C5orf24: variants seen among roughly 807,000 people sequenced by gnomAD.
C5orf24 encodes UPF0461 protein C5orf24.
C5orf24 carries 4 observed loss-of-function variants against 9.8 expected under a neutral mutation model. The ratio of observed to expected loss-of-function variants is 0.41; its 90% CI spans 0.20 to 0.93. The LOEUF (loss-of-function observed/expected upper bound fraction) is 0.93, where lower values mean the gene tolerates loss of function less well. Among genes scored for constraint, C5orf24 ranks in the 40% least tolerant of loss-of-function variants. The pLI is 0.33. For synonymous variants in C5orf24, 73 were observed against 81.3 expected (o/e 0.90, Z 0.55); for missense variants, 170 against 236.9 (o/e 0.72, Z 1.85).
chr5:134,842,985 A>T (rs1755921520), upstream of C5orf24, among the ~76,000 whole-genome samples: 2 of 144,836 alleles, frequency 1.4e-5, no homozygotes, highest in African/African-American at 2.5e-5. Context: ...TGTCCCCATA[A>T]TTTTTTTTTT....
intron 1 of C5orf24, among the ~76,000 whole-genome samples, chr5:134,849,600 T>C (rs1756098565): frequency 6.7e-6 from 1 of 150,190 alleles, no homozygotes; most frequent in Non-Finnish European, 1.5e-5. Context: ...GGAAGGAATA[T>C]ATAGAACATA....
At chr5:134,852,578 G>C (rs1251469426) in intron 1 of C5orf24, among the ~76,000 whole-genome samples, 2 of 152,164 alleles carry the variant, frequency 1.3e-5, no homozygotes, top group Non-Finnish European at 2.9e-5. Context: ...TTTCATAACT[G>C]AGGTTTTGGT....
At chr5:134,852,601 G>A (rs1174567999) in intron 1 of C5orf24, among the ~76,000 whole-genome samples, 1 of 152,184 alleles carries the variant, frequency 6.6e-6, no homozygotes, top group Non-Finnish European at 1.5e-5. Context: ...ACTCTCACAT[G>A]TATGAAGGGT....
intron 1 of C5orf24, among the ~76,000 whole-genome samples, chr5:134,852,653 A>G (rs1401132206): frequency 2.0e-5 from 3 of 152,212 alleles, no homozygotes; most frequent in Non-Finnish European, 2.9e-5. Context: ...GGACCTTAAT[A>G]TACATTTGTG....
At chr5:134,853,036 G>T (rs1756201044) in intron 1 of C5orf24, among the ~76,000 whole-genome samples, 2 of 151,800 alleles carry the variant, frequency 1.3e-5, no homozygotes, top group African/African-American at 4.8e-5. Context: ...GTGGTGGCGG[G>T]TGCCTGTAGT....
At position 134,851,981 on chromosome 5, in the gene C5orf24, C is replaced by T. The variant is rs148450189; in HGVS notation, c.-3-2917C>T. Among the ~76,000 whole-genome samples the T allele has an allele frequency of 3.0e-3, 460 of 152,330 alleles. 2 individuals are homozygous for T. Among genetic ancestry groups the T allele is most frequent in the African/African-American group, 0.011 (442 of 41,574 alleles). On this transcript the variant is annotated intron_variant, in intron 1 of 1. Coordinates refer to ENST00000394976, the MANE Select transcript of C5orf24 (RefSeq NM_001135586.1). ...TTTTGAGACGGAGTCTTGCTTGTCACTCAGGCTGGAGTGCAGTGGCACGAT... is the reference window on the plus strand; with the variant it reads ...TTTTGAGACGGAGTCTTGCTTGTCATTCAGGCTGGAGTGCAGTGGCACGAT...
chr5:134,850,921 TA>T (rs1260671328), intron 1 of C5orf24, among the ~76,000 whole-genome samples: 1 of 140,710 alleles, frequency 7.1e-6, no homozygotes, highest in African/African-American at 2.6e-5. Flanking sequence ...TGAATGTTCA[TA>T]TATATATATA....
the C5orf24 span, among the ~76,000 whole-genome samples, chr5:134,840,506 C>T: frequency 6.6e-6 from 1 of 151,980 alleles, no homozygotes. Context: ...TCTCAAAATG[C>T]TGGGATTTCA....
the C5orf24 span, among the ~76,000 whole-genome samples, chr5:134,839,800 G>A: frequency 6.7e-6 from 1 of 150,302 alleles, no homozygotes; most frequent in African/African-American, 2.5e-5. Flanking sequence ...AGCAGTTCTC[G>A]TGTCTGCCTC....
chr5:134,842,243 A>G (rs1032137466), upstream of C5orf24, among the ~76,000 whole-genome samples: 1 of 152,146 alleles, frequency 6.6e-6, no homozygotes, highest in Non-Finnish European at 1.5e-5. Flanking sequence ...TAATCCCAGC[A>G]CTTTGGGAGG....
Position 134,857,172 on chromosome 5 carries a change from T to C in C5orf24, c.*1705T>C. The C allele has an allele frequency of 7.5e-7, 1 of 1,327,662 alleles. No individual in the cohort carries two copies. The highest frequency in any genetic ancestry group is 9.7e-7 in the Non-Finnish European group (1 of 1,029,600). The allele number at this position is 1,327,662 out of a possible 1,614,324, so 82.2% of individuals were successfully genotyped here. A position where few individuals can be genotyped will look rare whatever the true frequency, so the allele number is the denominator to read the frequency against. ...CAGACTTGAAAAAATTCCACTTAAC[T>C]TTAAAGTTACAATGTTTGTATTTGG... is the stretch of plus-strand genomic sequence containing the variant. On this transcript the variant is annotated 3_prime_UTR_variant, in exon 2 of 2. Transcript: ENST00000394976.
chr5:134,852,286 C>G (rs767552476), intron 1 of C5orf24, among the ~76,000 whole-genome samples: 7 of 152,146 alleles, frequency 4.6e-5, no homozygotes, highest in South Asian at 2.1e-4. Flanking sequence ...AAAAATTATT[C>G]CACTTAATAT....
chr5:134,851,080 C>T (rs1235434092), intron 1 of C5orf24, among the ~76,000 whole-genome samples: 1 of 150,124 alleles, frequency 6.7e-6, no homozygotes, highest in Non-Finnish European at 1.5e-5. Context: ...TTTTCCCCCA[C>T]AAAATTTTTG....
At chr5:134,849,182 G>C (rs184286719) in intron 1 of C5orf24, among the ~76,000 whole-genome samples, 1 of 152,096 alleles carries the variant, frequency 6.6e-6, no homozygotes, top group East Asian at 1.9e-4. Context: ...TTAAACCGGG[G>C]TTCCAGAGGT....
At position 134,847,494 on chromosome 5, in the gene C5orf24, C is replaced by G. The variant is rs1422596151; in HGVS notation, c.-4+1282C>G. On this transcript the variant is annotated intron_variant, in intron 1 of 1. Transcript: ENST00000394976. The stretch of plus-strand genomic sequence containing the variant: ...TATTTTTAGTAAAGATGGTGTTTAA[C>G]CATGTTGACCAGGCTGGTCTCGAAC... 2.6e-5 allele frequency among the ~76,000 whole-genome samples: 4 copies of G among 152,246 alleles called. No homozygotes were observed. In the East Asian group the frequency reaches 5.8e-4, roughly 22 times the overall value.
Position 134,846,064 on chromosome 5 carries a change from C to G in C5orf24, c.-152C>G, listed in dbSNP as rs1342032941. 6.6e-6 allele frequency: 1 copy of G among 152,268 alleles called. No individual in the cohort carries two copies. Among genetic ancestry groups the G allele is most frequent in the Non-Finnish European group, 1.5e-5 (1 of 68,122 alleles). The allele number at this position is 152,268 out of a possible 1,614,324, so 9.4% of individuals were successfully genotyped here. ...TGCTGGGAGCCAGCGCCTGCCTCGCCGCCGCCCTCGCTGCCTGCCACTCCG... is the reference window on the plus strand; with the variant it reads ...TGCTGGGAGCCAGCGCCTGCCTCGCGGCCGCCCTCGCTGCCTGCCACTCCG... On this transcript the variant is annotated 5_prime_UTR_variant, in exon 1 of 2. Coordinates refer to ENST00000394976, the MANE Select transcript of C5orf24 (RefSeq NM_001135586.1).
chr5:134,850,402 C>T (rs914327986), intron 1 of C5orf24, among the ~76,000 whole-genome samples: 1 of 151,960 alleles, frequency 6.6e-6, no homozygotes, highest in African/African-American at 2.4e-5. Flanking sequence ...CCGCCTTGGC[C>T]TCCCAAAGTG....
intron 1 of C5orf24, among the ~76,000 whole-genome samples, chr5:134,848,957 CAA>C (rs1158688168): frequency 3.3e-4 from 25 of 74,782 alleles, no homozygotes; most frequent in Admixed American, 3.9e-4. Flanking sequence ...AACTCCGTCT[CAA>C]AAAAAAAAAA....
intron 1 of C5orf24, among the ~76,000 whole-genome samples, chr5:134,847,930 C>T (rs1384053060): frequency 6.6e-6 from 1 of 152,142 alleles, no homozygotes; most frequent in South Asian, 2.1e-4. Context: ...CTGGAACTCC[C>T]GACCTCAACT....
Sources: gnomAD v4.1 joint callset for allele counts (sites outside exome capture counted in the v4.1 genomes callset) on GRCh38, gnomAD v4.1.1 for gene constraint, MANE v1.5 for transcripts, NCBI Gene and HGNC (gene_info 2026-07-23, HGNC 2026-07-21) for gene names.